Variants in KDR observed in about 807,000 individuals in gnomAD.
KDR encodes vascular endothelial growth factor receptor 2.
KDR carries 43 observed loss-of-function variants against 160.9 expected under a neutral mutation model. The ratio of observed to expected loss-of-function variants is 0.27; its 90% CI spans 0.21 to 0.34. The LOEUF is 0.34. KDR is among the 10% of genes least tolerant of loss of function. The probability of loss-of-function intolerance (pLI) is 1.00; values close to 1 mark genes in which losing one functional copy is unlikely to be tolerated. For synonymous variants in KDR, 617 were observed against 600.1 expected, an observed-to-expected ratio of 1.03 and a Z score of -0.41; for missense variants, 1,469 against 1,666.4, an observed-to-expected ratio of 0.88 and a Z score of 2.06.
chr4:55,109,009 T>G (rs1188651380), intron 9 of KDR, among the ~76,000 whole-genome samples: 2 of 152,154 alleles, frequency 1.3e-5, no homozygotes, highest in Non-Finnish European at 2.9e-5. Context: ...CCTCCCATCC[T>G]ACTTATACAC....
chr4:55,113,122 T>A (rs1481410623), intron 7 of KDR, among the ~76,000 whole-genome samples, 182 bp downstream of exon 7: 1 of 152,220 alleles, frequency 6.6e-6, no homozygotes, highest in Non-Finnish European at 1.5e-5. Flanking sequence ...AAAGTTGAGG[T>A]TTGAACCCAA....
intron 14 of KDR, 135 bp downstream of exon 14, chr4:55,102,227 A>C (rs960083641): frequency 6.2e-6 from 8 of 1,288,118 alleles, no homozygotes; most frequent in Middle Eastern, 2.5e-4. Context: ...TCCAATTCTA[A>C]GTCTGTGAAA....
At chr4:55,122,338 C>A (rs1312468138) in intron 1 of KDR, among the ~76,000 whole-genome samples, 6 of 152,116 alleles carry the variant, frequency 3.9e-5, no homozygotes, top group Non-Finnish European at 5.9e-5. Context: ...CTAGAAAATA[C>A]CAGCTTTAAA....
intron 9 of KDR, among the ~76,000 whole-genome samples, chr4:55,108,278 G>C (rs1720492988): frequency 6.6e-6 from 1 of 151,898 alleles, no homozygotes; most frequent in Admixed American, 6.6e-5. Context: ...CTAACAAGCT[G>C]AATGACTTTA....
At chr4:55,097,904 G>A in intron 17 of KDR, 138 bp from the exon 18 acceptor site, 1 of 835,818 alleles carries the variant, frequency 1.2e-6, no homozygotes, top group South Asian at 1.4e-5. Flanking sequence ...CCTTTGTCCT[G>A]GCTTAATTAT....
At chr4:55,106,589 A>G in intron 11 of KDR, 98 bp downstream of exon 11, 1 of 929,870 alleles carries the variant, frequency 1.1e-6, no homozygotes, top group Non-Finnish European at 1.8e-6. Flanking sequence ...AATCATCCAG[A>G]CTATTTGATT....
intron 1 of KDR, 115 bp from the exon 2 acceptor site, chr4:55,121,305 G>T (rs1470220121): frequency 1.4e-6 from 1 of 734,258 alleles, no homozygotes; most frequent in Admixed American, 2.2e-5. Flanking sequence ...GCAATTCATT[G>T]TATAAAACTG....
chr4:55,119,182 C>G (rs1192777216), intron 2 of KDR, among the ~76,000 whole-genome samples: 4 of 150,878 alleles, frequency 2.7e-5, no homozygotes, highest in African/African-American at 9.8e-5. Flanking sequence ...GCACTTCAGC[C>G]TGGGCAAGAG....
Position 55,101,982 on chromosome 4 carries a change from C to T in KDR, c.2181G>A (p.Val727=), listed in dbSNP as rs2110020665. ...TGTAGAGGCCTTCGTCCTCCTTCCTCACTCTGCGGATAGTGAGGTTCCGGT... is the reference window on the plus strand; with the variant it reads ...TGTAGAGGCCTTCGTCCTCCTTCCTTACTCTGCGGATAGTGAGGTTCCGGT... ...DGNRNLTIRR[V]RKEDEGLYTC... The change falls in exon 15 of 30, where the codon GTG becomes GTA. Residue 727 remains valine (V), a synonymous_variant. Coordinates refer to ENST00000263923, the MANE Select transcript of KDR (RefSeq NM_002253.4). 6.2e-7 allele frequency: 1 copy of T among 1,613,782 alleles called. No homozygotes were observed. Among genetic ancestry groups the T allele is most frequent in the Non-Finnish European group, 8.5e-7 (1 of 1,179,764 alleles).
rs187046427 is a variant in KDR at position 55,083,593 on chromosome 4, A to T, written c.3663-958T>A. Among the ~76,000 whole-genome samples, 18 of 151,992 alleles carry T rather than the reference A, an allele frequency of 1.2e-4. No homozygotes were observed. In the East Asian group the frequency reaches 3.3e-3, roughly 28 times the overall value. ...GTGTGGCTTTGGGTGAGTCTAGTTG[A>T]TGCTATCAAAATCACTTACAGCCCA... On this transcript the variant is annotated intron_variant, in intron 27 of 29. Coordinates refer to ENST00000263923, the MANE Select transcript of KDR (RefSeq NM_002253.4).
chr4:55,086,142 AG>A (rs1719857562), intron 27 of KDR, among the ~76,000 whole-genome samples: 1 of 152,218 alleles, frequency 6.6e-6, no homozygotes, highest in South Asian at 2.1e-4. Context: ...TTTCTCTCTG[AG>A]GGCCCTCCTT....
At chr4:55,117,198 C>A (rs1008779507) in intron 3 of KDR, among the ~76,000 whole-genome samples, 8 of 152,132 alleles carry the variant, frequency 5.3e-5, no homozygotes, top group Non-Finnish European at 1.0e-4. Flanking sequence ...AAACCCAAAC[C>A]ACCACCCAGC....
In KDR at chr4:55,105,892, T is replaced by C; in HGVS notation, c.1585A>G (p.Lys529Glu). The change falls in exon 12 of 30, where the codon AAA becomes GAA. Residue 529 changes from lysine (K) to glutamate (E), a missense_variant. Physicochemically the swap from Lys to Glu is moderately conservative, Grantham distance 56. Around this residue, in one of 7 missense-constraint regions of KDR, gnomAD observed 792 missense variants for 840.9 expected, o/e 0.94. Coordinates refer to ENST00000263923, the MANE Select transcript of KDR (RefSeq NM_002253.4). ...CCGACTTTGTTGACCGCTTCACATT[T>C]GTACAAAGCTGACACATTTGCCGCT... Reference protein sequence around the residue: ...IQAANVSALYKCEAVNKVGRG... With the variant: ...IQAANVSALYECEAVNKVGRG... The C allele has an allele frequency of 6.2e-7, 1 of 1,613,678 alleles. No homozygotes were observed. The highest frequency in any genetic ancestry group is 8.5e-7 in the Non-Finnish European group (1 of 1,179,678).
chr4:55,094,788 G>A lies in KDR; in HGVS notation c.2971+14C>T, dbSNP rs2110014992. 1 of 1,612,076 alleles carries A rather than the reference G, an allele frequency of 6.2e-7. No homozygotes were observed. Among genetic ancestry groups the A allele is most frequent in the Admixed American group, 1.7e-5 (1 of 60,010 alleles). ...AAGAGCATGCCATAGCATGCAGGAA[G>A]CACTAGCCAGTACCTTCCTCTTCTT... On this transcript the variant is annotated intron_variant, in intron 21 of 29. Transcript: ENST00000263923.
rs752679840 is a variant in KDR at position 55,092,740 on chromosome 4, G to A, written c.2972-26C>T. Reference sequence around the variant, plus strand: ...CTGTCCAAAGAGGCAGGAGGATGGAGATCAGTATTTCCATGAGTTAGTGTG... The same window carrying A: ...CTGTCCAAAGAGGCAGGAGGATGGAAATCAGTATTTCCATGAGTTAGTGTG... On this transcript the variant is annotated intron_variant, in intron 21 of 29. Transcript: ENST00000263923. The A allele has an allele frequency of 6.2e-6, 9 of 1,451,858 alleles. No homozygotes were observed. In the Admixed American group the frequency reaches 1.5e-4, roughly 24 times the overall value. 89.9% of individuals were successfully genotyped at this position (1,451,858 alleles called of 1,614,324 possible).
chr4:55,101,255 GC>G (rs1450040153), intron 15 of KDR, among the ~76,000 whole-genome samples: 1 of 152,168 alleles, frequency 6.6e-6, no homozygotes, highest in East Asian at 1.9e-4. Context: ...TATTCATCCT[GC>G]CTGATTAAGA....
intron 3 of KDR, among the ~76,000 whole-genome samples, chr4:55,117,736 A>G (rs1337743857): frequency 6.6e-6 from 1 of 152,254 alleles, no homozygotes; most frequent in Admixed American, 6.5e-5. Flanking sequence ...ACGTAAATAC[A>G]TAAAATGTCT....
At chr4:55,095,499 C>G in intron 20 of KDR, 78 bp downstream of exon 20, 3 of 1,072,326 alleles carry the variant, frequency 2.8e-6, no homozygotes, top group Non-Finnish European at 4.3e-6. Flanking sequence ...AAAATTTCAA[C>G]TAAAAAACTA....
At chr4:55,113,282 A>C (rs1720641855) in intron 7 of KDR, 22 bp downstream of exon 7, 1 of 1,611,924 alleles carries the variant, frequency 6.2e-7, no homozygotes, top group Non-Finnish European at 8.5e-7. Context: ...GGCACAGAAT[A>C]ATTTCCAAGA....
Sources: allele counts gnomAD v4.1 joint callset (sites outside exome capture counted in the v4.1 genomes callset), GRCh38; gene constraint gnomAD v4.1.1; regional missense constraint gnomAD v4.1.1; transcripts MANE v1.5; gene names NCBI Gene and HGNC (gene_info 2026-07-23, HGNC 2026-07-21).